The following ABCA9 variants were observed in gnomAD, a reference collection of about 807,000 sequenced individuals.
The protein encoded by ABCA9 is ATP-binding cassette sub-family A member 9.
Under a neutral mutation model 205.3 loss-of-function variants are expected in ABCA9, and 183 were observed. The observed-to-expected ratio is 0.89, with a 90% CI of 0.79 to 1.01. The LOEUF is 1.01. Ranked by LOEUF, ABCA9 falls within the 50% of genes least tolerant of loss-of-function variation. ABCA9 has a pLI of 0.00. For missense variants in ABCA9, 1,805 were observed against 1,912.4 expected (o/e 0.94, Z 1.05); for synonymous variants, 651 against 683.3 (o/e 0.95, Z 0.74).
At chr17:69,033,156 A>G (rs1308893891) in intron 9 of ABCA9, 2 of 152,126 alleles carry the variant, frequency 1.3e-5, no homozygotes, top group Non-Finnish European at 2.9e-5. Flanking sequence ...AAAACACAAA[A>G]ATTAGCCAGG....
intron 6 of ABCA9, 167 bp downstream of exon 6, chr17:69,043,322 C>A: frequency 1.8e-6 from 1 of 558,344 alleles, no homozygotes; most frequent in South Asian, 2.4e-5. Context: ...TGAAGCTTTG[C>A]TCACTTGCCT....
intron 1 of ABCA9, among the ~76,000 whole-genome samples, chr17:69,053,093 A>G (rs2071959108): frequency 1.3e-5 from 2 of 152,022 alleles, no homozygotes; most frequent in African/African-American, 4.8e-5. Flanking sequence ...TTTTGTGGAG[A>G]CTTCTTTACA....
rs1598388581 is a variant in ABCA9 at position 69,026,235 on chromosome 17, G to A, written c.2141+142C>T. On this transcript the variant is annotated intron_variant, in intron 16 of 38. Coordinates refer to ENST00000340001, the MANE Select transcript of ABCA9 (RefSeq NM_080283.4). ...TATATCCTGCATTCTAGCTAAAAAAGCAATTATGCCTTAGTTCTACCATAG... is the reference window on the plus strand; with the variant it reads ...TATATCCTGCATTCTAGCTAAAAAAACAATTATGCCTTAGTTCTACCATAG... 2.8e-5 allele frequency: 18 copies of A among 632,326 alleles called. 1 individual carries two copies. The South Asian group carries it at 3.6e-4, about 13-fold the overall frequency. 39.2% of individuals were successfully genotyped at this position (632,326 alleles called of 1,614,324 possible).
rs557686911 is a variant in ABCA9, at chr17:69,040,017, C to T, written c.800+3472G>A. Among the ~76,000 whole-genome samples the T allele has an allele frequency of 6.0e-4, 91 of 152,296 alleles. 1 individual carries two copies. Among genetic ancestry groups the T allele is most frequent in the South Asian group, 4.1e-3 (20 of 4,830 alleles). On this transcript the variant is annotated intron_variant, in intron 6 of 38. Transcript: ENST00000340001. Reference sequence around the variant, plus strand: ...AAAACCACAATGAGATACCATCTCACACCAGTTAGAACGGTGATCATTAAA... The same window carrying T: ...AAAACCACAATGAGATACCATCTCATACCAGTTAGAACGGTGATCATTAAA...
chr17:69,075,641 TA>T, the ABCA9 span, among the ~76,000 whole-genome samples: 1 of 152,320 alleles, frequency 6.6e-6, no homozygotes, highest in South Asian at 2.1e-4. Context: ...TTGGTTACTG[TA>T]GCCTTATAGT....
Position 68,974,892 on chromosome 17 carries a change from T to C in ABCA9, c.*1023A>G, listed in dbSNP as rs1430089358. The C allele has an allele frequency of 6.6e-6, 1 of 152,212 alleles. No individual in the cohort carries two copies. Among genetic ancestry groups the C allele is most frequent in the African/African-American group, 2.4e-5 (1 of 41,454 alleles). The allele number at this position is 152,212 out of a possible 1,614,324, so 9.4% of individuals were successfully genotyped here. A position where few individuals can be genotyped will look rare whatever the true frequency, so the allele number is the denominator to read the frequency against. ...ATTATACTTTAAGTTCTGGGATACA[T>C]GTGCTGAATGTGCAGGTTTGTTACA... is the stretch of plus-strand genomic sequence containing the variant. On this transcript the variant is annotated 3_prime_UTR_variant, in exon 39 of 39. Transcript: ENST00000340001.
At position 69,024,322 on chromosome 17, in the gene ABCA9, T is replaced by A. The variant is rs748438160; in HGVS notation, c.2173A>T (p.Ser725Cys). 3.7e-6 allele frequency: 6 copies of A among 1,606,816 alleles called. No homozygotes were observed. Among genetic ancestry groups the A allele is most frequent in the Non-Finnish European group, 5.1e-6 (6 of 1,177,108 alleles). ...TGCTGCTTAACCAGTGATGTTATAC[T>A]CTCTGGATCACACCTTTCATTCAGA... is the stretch of plus-strand genomic sequence containing the variant. Reference protein sequence around the residue: ...LHLNERCDPESITSLVKQHIS... With the variant: ...LHLNERCDPECITSLVKQHIS... Residue 725 changes from serine to cysteine, a missense_variant, in exon 17 of 39, where the codon AGT becomes TGT. Transcript: ENST00000340001.
rs764556997 is a variant in ABCA9 at position 69,027,011 on chromosome 17, C to A, written c.2015G>T (p.Ser672Ile). 6.2e-7 allele frequency: 1 copy of A among 1,614,102 alleles called. No individual in the cohort carries two copies. The highest frequency in any genetic ancestry group is 1.7e-5 in the Admixed American group (1 of 60,002). Residue 672 changes from serine (S) to isoleucine (I), a missense_variant, in exon 15 of 39, where the codon AGC becomes ATC. Physicochemically the swap from Ser to Ile is moderately radical, Grantham distance 142. Coordinates refer to ENST00000340001, the MANE Select transcript of ABCA9 (RefSeq NM_080283.4). ...EGKSDRVILF[S>I]TQFIDEADIL... ...GTCAGCCTCATCTATAAACTGGGTG[C>A]TGAAGAGAATTACTCTGTCTGATTT...
chr17:68,979,853 C>A (rs1433214370), intron 37 of ABCA9, among the ~76,000 whole-genome samples: 1 of 152,112 alleles, frequency 6.6e-6, no homozygotes, highest in East Asian at 1.9e-4. Context: ...CTAGGCAGTA[C>A]CATTTAGGAC....
chr17:69,027,672 T>C lies in ABCA9; in HGVS notation c.1759A>G (p.Lys587Glu). ...KENLRLFAKIKGILPHEVEKE... is the reference protein window; with the variant it reads ...KENLRLFAKIEGILPHEVEKE... ...TCCACTTCATGTGGCAAAATCCCTT[T>C]TATTTTAGCAAACAGCCTGAGGTTT... is the stretch of plus-strand genomic sequence containing the variant. Residue 587 changes from lysine (K) to glutamate (E), a missense_variant, in exon 13 of 39, where the codon AAA (lysine) becomes GAA (glutamate). Physicochemically the swap from Lys to Glu is moderately conservative, Grantham distance 56. Coordinates refer to ENST00000340001, the MANE Select transcript of ABCA9 (RefSeq NM_080283.4). The C allele has an allele frequency of 6.2e-7, 1 of 1,613,612 alleles. No homozygotes were observed. Among genetic ancestry groups the C allele is most frequent in the Non-Finnish European group, 8.5e-7 (1 of 1,179,922 alleles).
the ABCA9 span, among the ~76,000 whole-genome samples, chr17:69,075,326 T>A: frequency 9.2e-5 from 14 of 152,200 alleles, no homozygotes. Context: ...CTAAGGCAGA[T>A]GTCCAGAATG....
chr17:69,026,582 A>G, intron 15 of ABCA9, 115 bp from the exon 16 acceptor site: 3 of 956,900 alleles, frequency 3.1e-6, no homozygotes, highest in Non-Finnish European at 4.7e-6. Flanking sequence ...AAATAGATAT[A>G]CTCTAATTCT....
chr17:69,050,706 G>A (rs28579127), intron 2 of ABCA9, among the ~76,000 whole-genome samples: 9,333 of 151,988 alleles, frequency 0.061, 728 homozygotes, highest in African/African-American at 0.17. Context: ...ATACAAATGC[G>A]TTCATGAGAT....
intron 3 of ABCA9, among the ~76,000 whole-genome samples, chr17:69,047,611 C>T (rs984082499): frequency 3.3e-5 from 5 of 152,084 alleles, no homozygotes; most frequent in African/African-American, 1.2e-4. Context: ...GAAATTCTCT[C>T]CCCATGCTAT....
At chr17:68,988,846 T>A (rs1422861788) in intron 31 of ABCA9, among the ~76,000 whole-genome samples, 181 bp downstream of exon 31, 1 of 152,238 alleles carries the variant, frequency 6.6e-6, no homozygotes, top group Non-Finnish European at 1.5e-5. Flanking sequence ...GTATATATGA[T>A]ATGTAGCCCT....
chr17:69,018,810 T>C (rs1329435721), intron 19 of ABCA9, among the ~76,000 whole-genome samples: 1 of 152,126 alleles, frequency 6.6e-6, no homozygotes, highest in Non-Finnish European at 1.5e-5. Flanking sequence ...GCTTCGGGTT[T>C]ATGAAGTCTG....
At chr17:68,977,220 G>A (rs2068914012) in intron 37 of ABCA9, among the ~76,000 whole-genome samples, 2 of 152,118 alleles carry the variant, frequency 1.3e-5, no homozygotes, top group African/African-American at 4.8e-5. Context: ...CCGCCAGGTG[G>A]TCACAGGAGC....
At position 69,016,401 on chromosome 17, in the gene ABCA9, A is replaced by G. The variant is rs1411051042; in HGVS notation, c.2902-11T>C. The G allele has an allele frequency of 6.4e-7, 1 of 1,567,196 alleles. No individual in the cohort carries two copies. The highest frequency in any genetic ancestry group is 8.6e-7 in the Non-Finnish European group (1 of 1,163,096). On this transcript the variant is annotated splice_polypyrimidine_tract_variant and intron_variant, in intron 21 of 38. Coordinates refer to ENST00000340001, the MANE Select transcript of ABCA9 (RefSeq NM_080283.4). ...TGAAAATCTGTGATCCTGAAATACA[A>G]CAAGTACCAATTCGAAGTCTTCATA... is the stretch of plus-strand genomic sequence containing the variant.
intron 18 of ABCA9, 91 bp downstream of exon 18, chr17:69,021,651 T>C: frequency 1.2e-6 from 1 of 844,246 alleles, no homozygotes; most frequent in Non-Finnish European, 1.8e-6. Flanking sequence ...GATAAAATAC[T>C]GCACACAAAG....
Sources: gnomAD v4.1 joint callset for allele counts (sites outside exome capture counted in the v4.1 genomes callset) on GRCh38, gnomAD v4.1.1 for gene constraint, MANE v1.5 for transcripts, NCBI Gene and HGNC (gene_info 2026-07-23, HGNC 2026-07-21) for gene names.